The following SNX30 variants were observed in gnomAD, a reference collection of about 807,000 sequenced individuals.
SNX30 encodes sorting nexin-30.
A neutral mutation model predicts 46.4 loss-of-function variants in SNX30; 24 were observed. The observed-to-expected ratio is 0.52, with a 90% CI of 0.37 to 0.73. The LOEUF (loss-of-function observed/expected upper bound fraction) is 0.73. SNX30 is among the 30% of genes least tolerant of loss of function. The pLI, the probability that SNX30 is intolerant of heterozygous loss-of-function variation, is 0.00. For missense variants in SNX30, 533 were observed against 555.7 expected, an observed-to-expected ratio of 0.96 and a Z score of 0.41; for synonymous variants, 189 against 211.5, an observed-to-expected ratio of 0.89 and a Z score of 0.92.
intron 1 of SNX30, among the ~76,000 whole-genome samples, chr9:112,782,318 A>T (rs1458494714): frequency 6.6e-6 from 1 of 152,184 alleles, no homozygotes; most frequent in Non-Finnish European, 1.5e-5. Context: ...CGCCTGCCTC[A>T]GCTTCCTAAA....
At chr9:112,773,696 C>T (rs7865372) in intron 1 of SNX30, among the ~76,000 whole-genome samples, 4,890 of 152,230 alleles carry the variant, frequency 0.032, 258 homozygotes, top group African/African-American at 0.11. Flanking sequence ...ACAACCAGTT[C>T]TGCAGAAAGA....
intron 2 of SNX30, among the ~76,000 whole-genome samples, chr9:112,808,738 A>T (rs185132054): frequency 6.6e-6 from 1 of 152,362 alleles, no homozygotes; most frequent in Non-Finnish European, 1.5e-5. Flanking sequence ...AGTATTTTGT[A>T]TACTGCCAAT....
chr9:112,832,498 G>C (rs1840679986), intron 4 of SNX30, among the ~76,000 whole-genome samples: 1 of 134,314 alleles, frequency 7.4e-6, no homozygotes. Context: ...GTGTGTGTGA[G>C]AGAGAGAGAG....
chr9:112,792,402 CT>C (rs1166262216), intron 1 of SNX30, among the ~76,000 whole-genome samples: 2 of 152,082 alleles, frequency 1.3e-5, no homozygotes, highest in Non-Finnish European at 2.9e-5. Flanking sequence ...TAGTTATTGC[CT>C]GTTCCCTTTT....
chr9:112,793,077 T>C (rs1840052517), intron 1 of SNX30, among the ~76,000 whole-genome samples: 1 of 152,248 alleles, frequency 6.6e-6, no homozygotes, highest in South Asian at 2.1e-4. Flanking sequence ...TACTTGCCTC[T>C]GATGAGATAA....
At chr9:112,750,130 A>G (rs1839240928), upstream of SNX30, among the ~76,000 whole-genome samples, 2 of 152,172 alleles carry the variant, frequency 1.3e-5, no homozygotes, top group Non-Finnish European at 2.9e-5. Flanking sequence ...AGAGTCGCAT[A>G]TCATTTGAGA....
At chr9:112,770,375 G>A (rs939588736) in intron 1 of SNX30, among the ~76,000 whole-genome samples, 1 of 152,036 alleles carries the variant, frequency 6.6e-6, no homozygotes, top group African/African-American at 2.4e-5. Flanking sequence ...GTTTCACCAT[G>A]TTGGCCAGGC....
chr9:112,751,181 T>A, intron 1 of SNX30, 24 bp downstream of exon 1: 1 of 1,445,810 alleles, frequency 6.9e-7, no homozygotes, highest in East Asian at 2.8e-5. Context: ...GGCCGGGGAG[T>A]GGGAGGCTTA....
intron 8 of SNX30, among the ~76,000 whole-genome samples, 179 bp downstream of exon 8, chr9:112,864,578 C>T (rs978402828): frequency 2.6e-5 from 4 of 152,190 alleles, no homozygotes; most frequent in African/African-American, 9.7e-5. Flanking sequence ...CTGGGTTTGG[C>T]AGCAGAGGGG....
intron 1 of SNX30, among the ~76,000 whole-genome samples, chr9:112,752,732 C>G (rs558223228): frequency 7.7e-4 from 117 of 152,324 alleles, no homozygotes; most frequent in Non-Finnish European, 1.5e-3. Context: ...AATTAATTAT[C>G]TATTGCTGTG....
intron 1 of SNX30, among the ~76,000 whole-genome samples, chr9:112,774,126 T>C (rs956337634): frequency 2.6e-5 from 4 of 152,212 alleles, no homozygotes; most frequent in African/African-American, 7.2e-5. Context: ...TCGGGCACTG[T>C]GCTAGGTGCT....
intron 7 of SNX30, among the ~76,000 whole-genome samples, chr9:112,855,442 G>A (rs1841107575): frequency 2.0e-5 from 3 of 152,150 alleles, no homozygotes; most frequent in South Asian, 2.1e-4. Context: ...AAAAACTTGC[G>A]CTGGATAAGG....
intron 1 of SNX30, among the ~76,000 whole-genome samples, chr9:112,770,395 A>T (rs1839629497): frequency 6.6e-6 from 1 of 151,416 alleles, no homozygotes; most frequent in Non-Finnish European, 1.5e-5. Context: ...CTGGTCTCGA[A>T]CTCCCGACCT....
At chr9:112,750,311 T>C (rs938402990), upstream of SNX30, 8 of 152,292 alleles carry the variant, frequency 5.3e-5, no homozygotes, top group Non-Finnish European at 1.2e-4. Context: ...TTGAGCCTTG[T>C]CGCCCTTTAT....
At chr9:112,788,084 G>A (rs868065034) in intron 1 of SNX30, among the ~76,000 whole-genome samples, 11 of 152,046 alleles carry the variant, frequency 7.2e-5, no homozygotes, top group African/African-American at 1.9e-4. Flanking sequence ...AAAAGTGCAA[G>A]GCTTTTGCAG....
intron 7 of SNX30, among the ~76,000 whole-genome samples, chr9:112,859,097 C>G (rs900614452): frequency 1.3e-5 from 2 of 152,130 alleles, no homozygotes; most frequent in African/African-American, 4.8e-5. Context: ...ATTCCCCCTC[C>G]TGCCGGCCTC....
At chr9:112,791,951 A>G (rs547283781) in intron 1 of SNX30, among the ~76,000 whole-genome samples, 2 of 152,286 alleles carry the variant, frequency 1.3e-5, no homozygotes, top group African/African-American at 2.4e-5. Flanking sequence ...TGATCCTGGT[A>G]TATATTTTTT....
intron 3 of SNX30, 133 bp downstream of exon 3, chr9:112,817,948 C>A: frequency 1.5e-6 from 1 of 659,510 alleles, no homozygotes; most frequent in Admixed American, 2.3e-5. Flanking sequence ...TTAACGGACA[C>A]TGTATACAAT....
At chr9:112,831,835 G>A (rs528220114) in intron 4 of SNX30, among the ~76,000 whole-genome samples, 41 of 152,176 alleles carry the variant, frequency 2.7e-4, no homozygotes, top group Admixed American at 3.3e-4. Flanking sequence ...CTGTGCTCTC[G>A]CTGTCTGCAG....
Sources: allele counts gnomAD v4.1 joint callset (sites outside exome capture counted in the v4.1 genomes callset), GRCh38; gene constraint gnomAD v4.1.1; transcripts MANE v1.5; gene names NCBI Gene and HGNC (gene_info 2026-07-23, HGNC 2026-07-21).